TCIRG1: variants seen among roughly 807,000 people sequenced by gnomAD.
The protein encoded by TCIRG1 is V-type proton ATPase 116 kDa subunit a 3.
A neutral mutation model predicts 95.5 loss-of-function variants in TCIRG1; 86 were observed. That is an observed-to-expected ratio of 0.90 (90% CI 0.76 to 1.08). TCIRG1 has a LOEUF of 1.08. Ranked by LOEUF, TCIRG1 falls within the 50% of genes least tolerant of loss-of-function variation. The probability of loss-of-function intolerance (pLI) is 0.00; values close to 1 mark genes in which losing one functional copy is unlikely to be tolerated. For missense variants in TCIRG1, 1,069 were observed against 1,140.2 expected, an observed-to-expected ratio of 0.94 and a Z score of 0.90; for synonymous variants, 499 against 501.3, an observed-to-expected ratio of 1.00 and a Z score of 0.06.
rs557890860 is a variant in TCIRG1, at chr11:68,048,886, G to C, written c.1562G>C (p.Ser521Thr). ...PYPFGIDPIW[S>T]LAANHLSFLN... ...CCCCTGCTGCCACCCTAGATTTGGAGCCTGGCTGCCAACCACTTGAGCTTC... is the reference window on the plus strand; with the variant it reads ...CCCCTGCTGCCACCCTAGATTTGGACCCTGGCTGCCAACCACTTGAGCTTC... The change falls in exon 14 of 20, where the codon AGC (serine) becomes ACC (threonine). Residue 521 changes from serine (S) to threonine (T), a missense_variant. Coordinates refer to ENST00000265686, the MANE Select transcript of TCIRG1 (RefSeq NM_006019.4). 3.1e-6 allele frequency: 5 copies of C among 1,610,870 alleles called. No homozygotes were observed. Among genetic ancestry groups the C allele is most frequent in the Non-Finnish European group, 4.2e-6 (5 of 1,179,670 alleles).
At position 68,047,637 on chromosome 11, in the gene TCIRG1, G is replaced by C. The variant is rs2134454893; in HGVS notation, c.1306-10G>C. On this transcript the variant is annotated splice_polypyrimidine_tract_variant and intron_variant, in intron 11 of 19. Transcript: ENST00000265686. The stretch of plus-strand genomic sequence containing the variant: ...CCAGGCAGCCCCTCACCACACCACT[G>C]CCCCCCCAGATCTGGCAGACTTTCT... 1.2e-6 allele frequency: 2 copies of C among 1,612,838 alleles called. No homozygotes were observed. The highest frequency in any genetic ancestry group is 1.7e-6 in the Non-Finnish European group (2 of 1,179,968).
chr11:68,050,885 C>T lies in TCIRG1; in HGVS notation c.*66C>T. On this transcript the variant is annotated 3_prime_UTR_variant, in exon 20 of 20. Coordinates refer to ENST00000265686, the MANE Select transcript of TCIRG1 (RefSeq NM_006019.4). Reference sequence around the variant, plus strand: ...GAGGCAGGAGAGGAATAAAGACGGTCCGCCCTGGCAGTGATGTCTCGTCTC... The same window carrying T: ...GAGGCAGGAGAGGAATAAAGACGGTTCGCCCTGGCAGTGATGTCTCGTCTC... 1.3e-6 allele frequency: 2 copies of T among 1,551,522 alleles called. No individual in the cohort carries two copies. The highest frequency in any genetic ancestry group is 1.8e-6 in the Non-Finnish European group (2 of 1,133,840).
In TCIRG1 at chr11:68,049,078, C is replaced by T. The variant is rs575715761; in HGVS notation, c.1674-3C>T. On this transcript the variant is annotated splice_region_variant and splice_polypyrimidine_tract_variant and intron_variant, in intron 14 of 19. Transcript: ENST00000265686. ...GTGAGCACACCTCCCTCTTGCCCGC[C>T]AGGCACTTTGGCCAGAGGCACCGGC... 8 of 1,613,404 alleles carry T rather than the reference C, an allele frequency of 5.0e-6. No homozygotes were observed. The African/African-American group carries it at 8.0e-5, about 16-fold the overall frequency.
At chr11:68,048,438 C>T (rs1256371420) in intron 13 of TCIRG1, 8 of 341,376 alleles carry the variant, frequency 2.3e-5, no homozygotes, top group South Asian at 4.8e-5. Flanking sequence ...GGATTACAGG[C>T]GCCCGCCACC....
chr11:68,043,680 C>A, intron 7 of TCIRG1, 27 bp downstream of exon 7: 1 of 1,579,766 alleles, frequency 6.3e-7, no homozygotes, highest in Non-Finnish European at 8.6e-7. Flanking sequence ...ACCCGCCCCA[C>A]CGCCCTGCTC....
In TCIRG1 at chr11:68,041,336, C is replaced by T. The variant is rs781759806; in HGVS notation, c.65C>T (p.Ala22Val). The T allele has an allele frequency of 1.2e-6, 2 of 1,613,130 alleles. No homozygotes were observed. The highest frequency in any genetic ancestry group is 2.7e-5 in the African/African-American group (2 of 74,932). Residue 22 changes from alanine (A) to valine (V), a missense_variant, in exon 2 of 20, where the codon GCC becomes GTC. Ala to Val is a moderately conservative substitution (Grantham distance 64). Transcript: ENST00000265686. ...LVQLFLPTAA[A>V]YTCVSRLGEL... ...CAGCTCTTTCTGCCCACAGCGGCTG[C>T]CTACACCTGCGTGAGTCGGCTGGGC...
chr11:68,045,622 C>T (rs1020254812), intron 10 of TCIRG1, among the ~76,000 whole-genome samples: 2 of 151,516 alleles, frequency 1.3e-5, no homozygotes, highest in African/African-American at 4.9e-5. Flanking sequence ...GGCATGATCT[C>T]GGCTCACTGA....
At chr11:68,047,320 T>C in intron 10 of TCIRG1, 113 bp from the exon 11 acceptor site, 1 of 941,346 alleles carries the variant, frequency 1.1e-6, no homozygotes. Flanking sequence ...TGTGCCTGGC[T>C]GCTAAGTGAT....
Position 68,048,862 on chromosome 11 carries a change from C to T in TCIRG1, c.1555-17C>T, listed in dbSNP as rs753322148. On this transcript the variant is annotated splice_polypyrimidine_tract_variant and intron_variant, in intron 13 of 19. Transcript: ENST00000265686. The stretch of plus-strand genomic sequence containing the variant: ...GAGGGAGCCCCTGAGTCCAGCCCAC[C>T]CCTGCTGCCACCCTAGATTTGGAGC... The T allele has an allele frequency of 6.4e-5, 101 of 1,586,852 alleles. No homozygotes were observed. Among genetic ancestry groups the T allele is most frequent in the Non-Finnish European group, 8.1e-5 (94 of 1,161,164 alleles).
rs982462013 is a variant in TCIRG1, at chr11:68,042,706, C to T, written c.260C>T (p.Pro87Leu). 78 of 1,545,864 alleles carry T rather than the reference C, an allele frequency of 5.0e-5. No individual in the cohort carries two copies. Among genetic ancestry groups the T allele is most frequent in the South Asian group, 1.3e-4 (11 of 83,820 alleles). Residue 87 changes from proline to leucine, a missense_variant, in exon 4 of 20, where the codon CCG becomes CTG. Pro to Leu is a moderately conservative substitution (Grantham distance 98). Coordinates refer to ENST00000265686, the MANE Select transcript of TCIRG1 (RefSeq NM_006019.4). ...CTGCCCCCGCCAAAGGGGAGGCTGC[C>T]GGCACCCCCACCCCGGGACCTGCTG... is the stretch of plus-strand genomic sequence containing the variant. The part of the protein sequence containing the change: ...LVLPPPKGRL[P>L]APPPRDLLRI...
chr11:68,053,680 T>C (rs1415244688), downstream of TCIRG1: 1 of 326,824 alleles, frequency 3.1e-6, no homozygotes, highest in Non-Finnish European at 5.7e-6. Flanking sequence ...GTTTGCCTCA[T>C]CTGACTGGAA....
chr11:68,048,896 C>T lies in TCIRG1; in HGVS notation c.1572C>T (p.Ala524=), dbSNP rs374568576. The T allele has an allele frequency of 6.2e-7, 1 of 1,612,314 alleles. No individual in the cohort carries two copies. Among genetic ancestry groups the T allele is most frequent in the African/African-American group, 1.3e-5 (1 of 75,072 alleles). The change falls in exon 14 of 20, where the codon GCC becomes GCT. Residue 524 remains alanine (A), a synonymous_variant. Coordinates refer to ENST00000265686, the MANE Select transcript of TCIRG1 (RefSeq NM_006019.4). ...FGIDPIWSLA[A]NHLSFLNSFK... Reference sequence around the variant, plus strand: ...CACCCTAGATTTGGAGCCTGGCTGCCAACCACTTGAGCTTCCTCAACTCCT... The same window carrying T: ...CACCCTAGATTTGGAGCCTGGCTGCTAACCACTTGAGCTTCCTCAACTCCT...
At position 68,049,905 on chromosome 11, in the gene TCIRG1, G is replaced by A. The variant is rs571533218; in HGVS notation, c.2014-57G>A. ...GAGTGGCCAGGAGCAGGCCTGGCGG[G>A]TGGTGGGGGACCTCCTGGGGCTGGA... On this transcript the variant is annotated intron_variant, in intron 16 of 19. Coordinates refer to ENST00000265686, the MANE Select transcript of TCIRG1 (RefSeq NM_006019.4). 4.2e-5 allele frequency: 66 copies of A among 1,566,036 alleles called. No homozygotes were observed. The East Asian group carries it at 1.1e-3, about 26-fold the overall frequency.
intron 9 of TCIRG1, 113 bp from the exon 10 acceptor site, chr11:68,044,845 C>T: frequency 7.4e-7 from 1 of 1,358,080 alleles, no homozygotes; most frequent in African/African-American, 1.4e-5. Context: ...GGGGAAGGGG[C>T]TGCCCAGTGA....
intron 13 of TCIRG1, 79 bp from the exon 14 acceptor site, chr11:68,048,800 G>A: frequency 9.6e-7 from 1 of 1,045,660 alleles, no homozygotes; most frequent in Non-Finnish European, 1.5e-6. Context: ...GGTGGTGAGA[G>A]AGTGACTCGG....
rs1373523711 is a variant in TCIRG1 at position 68,047,785 on chromosome 11, GCCAACC to G, written c.1445_1450del (p.Ala482_Gln484delinsGlu). 6.2e-7 allele frequency: 1 copy of G among 1,612,948 alleles called. No homozygotes were observed. The highest frequency in any genetic ancestry group is 8.5e-7 in the Non-Finnish European group (1 of 1,179,896). On this transcript the variant is annotated inframe_deletion, in exon 12 of 20. Coordinates refer to ENST00000265686, the MANE Select transcript of TCIRG1 (RefSeq NM_006019.4). ...CTCGGGCTGGAGTGTGGCCGCCATG[GCCAACC>G]AGTCTGGCTGGAGGTGAGGCCCGGG...
intron 5 of TCIRG1, 162 bp from the exon 6 acceptor site, chr11:68,043,209 T>G: frequency 6.8e-7 from 1 of 1,479,782 alleles, no homozygotes; most frequent in Non-Finnish European, 8.9e-7. Context: ...GGGGTTCTCC[T>G]CTTCTGGTCC....
downstream of TCIRG1, chr11:68,050,918 T>C: frequency 1.5e-6 from 2 of 1,371,034 alleles, no homozygotes; most frequent in Non-Finnish European, 2.0e-6. Context: ...CTCTCTTCCC[T>C]CCTTTTTAGC....
intron 1 of TCIRG1, chr11:68,039,908 A>T (rs1388982013): frequency 1.3e-5 from 2 of 151,876 alleles, no homozygotes; most frequent in African/African-American, 4.9e-5. Context: ...CCAGATCCCC[A>T]GAGCTGATTC....
Sources: gnomAD v4.1 joint callset for allele counts (sites outside exome capture counted in the v4.1 genomes callset) on GRCh38, gnomAD v4.1.1 for gene constraint, MANE v1.5 for transcripts, NCBI Gene and HGNC (gene_info 2026-07-23, HGNC 2026-07-21) for gene names.